IKZF2: variants seen among roughly 807,000 people sequenced by gnomAD.
The protein encoded by IKZF2 is zinc finger protein Helios.
IKZF2 carries 15 observed loss-of-function variants against 49.2 expected under a neutral mutation model. The observed-to-expected ratio is 0.30, with a 90% CI of 0.20 to 0.47. IKZF2 has a LOEUF of 0.47. Ranked by LOEUF, IKZF2 falls within the 20% of genes least tolerant of loss-of-function variation. The pLI, the probability that IKZF2 is intolerant of heterozygous loss-of-function variation, is 1.00. For synonymous variants in IKZF2, 227 were observed against 221.4 expected, an observed-to-expected ratio of 1.03 and a Z score of -0.23; for missense variants, 567 against 664.6, an observed-to-expected ratio of 0.85 and a Z score of 1.61.
chr2:213,020,468 C>T (rs146113362), intron 7 of IKZF2, among the ~76,000 whole-genome samples: 40 of 151,936 alleles, frequency 2.6e-4, no homozygotes, highest in African/African-American at 2.2e-4. Flanking sequence ...GACTCCGAGA[C>T]GCACCATTTT....
chr2:213,088,457 G>C (rs1210088361), intron 4 of IKZF2, among the ~76,000 whole-genome samples: 2 of 152,026 alleles, frequency 1.3e-5, no homozygotes, highest in Non-Finnish European at 1.5e-5. Context: ...TTTAAAAACA[G>C]CTTTAAAAAT....
At chr2:213,062,744 C>T (rs978950972) in intron 4 of IKZF2, among the ~76,000 whole-genome samples, 1 of 151,888 alleles carries the variant, frequency 6.6e-6, no homozygotes, top group Non-Finnish European at 1.5e-5. Flanking sequence ...GTGTTATATA[C>T]ACTAATTGAA....
Position 213,085,150 on chromosome 2 carries a change from A to C in IKZF2, c.140-28051T>G, listed in dbSNP as rs1013092659. ...CTTCCCCAAGTCATCTTTCTCTTTT[A>C]AAACACTTAGAAACACTTAGAAACA... On this transcript the variant is annotated intron_variant, in intron 4 of 8. Coordinates refer to ENST00000434687, the MANE Select transcript of IKZF2 (RefSeq NM_001387220.1). Among the ~76,000 whole-genome samples, 5 of 152,220 alleles carry C rather than the reference A, an allele frequency of 3.3e-5. 1 individual carries two copies. The highest frequency in any genetic ancestry group is 1.2e-4 in the African/African-American group (5 of 41,466).
intron 4 of IKZF2, among the ~76,000 whole-genome samples, chr2:213,099,489 G>A (rs559980785): frequency 5.3e-5 from 8 of 152,190 alleles, no homozygotes; most frequent in South Asian, 4.2e-4. Context: ...CAAGAGCAAC[G>A]TACGTGATGA....
At chr2:213,110,844 G>A (rs2059682189) in intron 4 of IKZF2, among the ~76,000 whole-genome samples, 1 of 152,006 alleles carries the variant, frequency 6.6e-6, no homozygotes, top group African/African-American at 2.4e-5. Flanking sequence ...AATTAGACAT[G>A]CTATGTCAGT....
chr2:213,139,167 C>T (rs910013293), intron 4 of IKZF2, among the ~76,000 whole-genome samples: 2 of 151,800 alleles, frequency 1.3e-5, no homozygotes, highest in Admixed American at 6.6e-5. Context: ...AAGAACTCGT[C>T]GTAACCTGAT....
intron 3 of IKZF2, 90 bp downstream of exon 3, chr2:213,148,505 TC>T: frequency 3.5e-6 from 3 of 863,276 alleles, no homozygotes; most frequent in Non-Finnish European, 5.6e-6. Flanking sequence ...TACAGAATTC[TC>T]AATAAAGTTT....
intron 4 of IKZF2, among the ~76,000 whole-genome samples, chr2:213,091,237 AAAT>A (rs1259986899): frequency 3.3e-5 from 5 of 152,190 alleles, no homozygotes; most frequent in Admixed American, 6.5e-5. Context: ...GGTTCACTAA[AAAT>A]AATATTTTTA....
intron 2 of IKZF2, 56 bp from the exon 3 acceptor site, chr2:213,148,700 T>TA (rs2061166331): frequency 2.8e-6 from 4 of 1,417,338 alleles, no homozygotes; most frequent in Non-Finnish European, 4.0e-6. Flanking sequence ...TATCTGCCAT[T>TA]AAATTCTTAA....
chr2:213,061,344 A>G (rs989037733), intron 4 of IKZF2, among the ~76,000 whole-genome samples: 2 of 151,664 alleles, frequency 1.3e-5, no homozygotes, highest in East Asian at 3.9e-4. Context: ...ACACAGGTAA[A>G]CAGGTATAGA....
At chr2:213,062,647 G>T (rs1006990048) in intron 4 of IKZF2, among the ~76,000 whole-genome samples, 1 of 151,852 alleles carries the variant, frequency 6.6e-6, no homozygotes, top group African/African-American at 2.4e-5. Context: ...GTTGGTTTCT[G>T]TTCCCTGGCA....
At chr2:213,108,823 A>G (rs954236982) in intron 4 of IKZF2, among the ~76,000 whole-genome samples, 1 of 152,138 alleles carries the variant, frequency 6.6e-6, no homozygotes, top group Non-Finnish European at 1.5e-5. Flanking sequence ...TGTAAAATCT[A>G]TAAAAGTATA....
At chr2:213,086,914 A>C (rs536530475) in intron 4 of IKZF2, among the ~76,000 whole-genome samples, 1 of 152,260 alleles carries the variant, frequency 6.6e-6, no homozygotes, top group Admixed American at 6.5e-5. Context: ...CAGGTTCAAC[A>C]CTATTGCCAA....
At chr2:213,051,773 C>A (rs898232543) in intron 5 of IKZF2, among the ~76,000 whole-genome samples, 1 of 151,904 alleles carries the variant, frequency 6.6e-6, no homozygotes, top group East Asian at 1.9e-4. Context: ...ATATATTATA[C>A]TTTTCACTCC....
At chr2:213,144,960 C>G (rs540782864) in intron 4 of IKZF2, among the ~76,000 whole-genome samples, 1 of 151,966 alleles carries the variant, frequency 6.6e-6, no homozygotes, top group Non-Finnish European at 1.5e-5. Context: ...GTGCTCTATT[C>G]TAGCACTGTC....
chr2:213,076,375 A>G (rs1169792845), intron 4 of IKZF2, among the ~76,000 whole-genome samples: 5 of 152,220 alleles, frequency 3.3e-5, no homozygotes, highest in African/African-American at 9.6e-5. Flanking sequence ...AGAGAAGAAT[A>G]AGACAGAGAA....
chr2:213,126,670 CAG>C (rs753582122), intron 4 of IKZF2, among the ~76,000 whole-genome samples: 8 of 152,136 alleles, frequency 5.3e-5, no homozygotes, highest in Middle Eastern at 6.8e-3. Context: ...AAGAAAAATG[CAG>C]ACTTGCAATA....
chr2:213,111,133 A>G (rs116738297), intron 4 of IKZF2, among the ~76,000 whole-genome samples: 1,753 of 152,118 alleles, frequency 0.012, 33 homozygotes, highest in African/African-American at 0.04. Flanking sequence ...TTTTAAATGA[A>G]TTAATCCTTT....
Position 213,006,253 on chromosome 2 carries a change from GATGA to G in IKZF2, c.*1103_*1106del, listed in dbSNP as rs934199611. ...AAGACCTTCTACTCGAAGAGTAAAG[GATGA>G]ATGAACTATGGACAGAACACCGGGA... On this transcript the variant is annotated 3_prime_UTR_variant, in exon 9 of 9. Coordinates refer to ENST00000434687, the MANE Select transcript of IKZF2 (RefSeq NM_001387220.1). 1 of 152,258 alleles carries G rather than the reference GATGA, an allele frequency of 6.6e-6. No homozygotes were observed. The highest frequency in any genetic ancestry group is 2.4e-5 in the African/African-American group (1 of 41,354). The allele number at this position is 152,258 out of a possible 1,614,324, so 9.4% of individuals were successfully genotyped here.
Sources: gnomAD v4.1 joint callset for allele counts (sites outside exome capture counted in the v4.1 genomes callset) on GRCh38, gnomAD v4.1.1 for gene constraint, MANE v1.5 for transcripts, NCBI Gene and HGNC (gene_info 2026-07-23, HGNC 2026-07-21) for gene names.